Variants in DNAH6 observed in about 807,000 individuals in gnomAD.
DNAH6 encodes axonemal beta dynein heavy chain 6.
DNAH6 carries 340 observed loss-of-function variants against 491.4 expected under a neutral mutation model. That is an observed-to-expected ratio of 0.69 (90% CI 0.63 to 0.76). The LOEUF (loss-of-function observed/expected upper bound fraction) is 0.76, where lower values mean the gene tolerates loss of function less well. Ranked by LOEUF, DNAH6 falls within the 30% of genes least tolerant of loss-of-function variation. The pLI, the probability that DNAH6 is intolerant of heterozygous loss-of-function variation, is 0.00. For missense variants in DNAH6, 4,443 were observed against 4,972.2 expected (o/e 0.89, Z 3.20); for synonymous variants, 1,603 against 1,686.1 (o/e 0.95, Z 1.21).
intron 62 of DNAH6, among the ~76,000 whole-genome samples, chr2:84,742,404 C>T (rs1451567894): frequency 1.3e-5 from 2 of 151,992 alleles, no homozygotes; most frequent in East Asian, 3.9e-4. Context: ...TTAAGTTCTT[C>T]TTGACTGAGG....
Position 84,705,704 on chromosome 2 carries a change from TC to T in DNAH6, c.8685del (p.Lys2896ArgfsTer24). 2.6e-6 allele frequency: 4 copies of T among 1,551,354 alleles called. No homozygotes were observed. In the South Asian group the frequency reaches 4.8e-5, roughly 18 times the overall value. On this transcript the variant is annotated frameshift_variant, in exon 52 of 77. Transcript: ENST00000389394. LOFTEE classifies it high-confidence loss of function. The stretch of plus-strand genomic sequence containing the variant: ...GCTATGGATTTGTACTCTCGAGTGG[TC>T]AAGGTCGTCGAACCAAAAAGACAAA... ...VRAMDLYSRV[V>X]KVVEPKRQKL...
chr2:84,747,533 T>G (rs894889530), intron 63 of DNAH6, among the ~76,000 whole-genome samples: 1 of 152,210 alleles, frequency 6.6e-6, no homozygotes, highest in Non-Finnish European at 1.5e-5. Context: ...CCCCATGGCC[T>G]TTTGGGGAGC....
chr2:84,471,369 T>C, the DNAH6 span, among the ~76,000 whole-genome samples: 9 of 152,216 alleles, frequency 5.9e-5, no homozygotes, highest in Non-Finnish European at 1.2e-4. Context: ...TCGCTCTGGT[T>C]TGAATGTTTC....
chr2:84,542,432 T>A (rs1436300331), intron 4 of DNAH6, among the ~76,000 whole-genome samples: 1 of 152,216 alleles, frequency 6.6e-6, no homozygotes, highest in Non-Finnish European at 1.5e-5. Flanking sequence ...CTGGCATTTT[T>A]CCAGACATTT....
chr2:84,744,627 T>C (rs562812131), intron 62 of DNAH6, among the ~76,000 whole-genome samples: 8 of 152,334 alleles, frequency 5.3e-5, no homozygotes, highest in South Asian at 2.1e-4. Flanking sequence ...CTAACAGTTA[T>C]TATTTGACAT....
chr2:84,638,411 G>A (rs2104486620), intron 31 of DNAH6, among the ~76,000 whole-genome samples: 2 of 151,972 alleles, frequency 1.3e-5, no homozygotes, highest in Middle Eastern at 6.8e-3. Context: ...TCTTACACAT[G>A]CATTCATCTG....
intron 70 of DNAH6, among the ~76,000 whole-genome samples, chr2:84,804,205 C>A (rs902869181): frequency 8.3e-4 from 55 of 66,416 alleles, no homozygotes; most frequent in Admixed American, 2.7e-3. Flanking sequence ...GACTCCATCT[C>A]AAAAAAAAAA....
chr2:84,560,351 T>TA lies in DNAH6; in HGVS notation c.1803+2425dup, dbSNP rs771857568. 1.7e-4 allele frequency among the ~76,000 whole-genome samples: 26 copies of TA among 150,510 alleles called. No homozygotes were observed. In the East Asian group the frequency reaches 2.1e-3, roughly 12 times the overall value. ...AGTAAGGCAATAATGGAGGAGCATT[T>TA]AAAAAAAAACTCATGGAAAGAAAAT... On this transcript the variant is annotated intron_variant, in intron 11 of 76. Transcript: ENST00000389394.
intron 63 of DNAH6, among the ~76,000 whole-genome samples, chr2:84,747,540 G>T (rs1383174972): frequency 6.6e-6 from 1 of 152,206 alleles, no homozygotes; most frequent in Non-Finnish European, 1.5e-5. Context: ...GCCTTTTGGG[G>T]AGCTGTCCAT....
chr2:84,704,046 C>T (rs1696195635), intron 50 of DNAH6, 21 bp from the exon 51 acceptor site: 6 of 1,524,586 alleles, frequency 3.9e-6, no homozygotes, highest in Non-Finnish European at 5.3e-6. Context: ...GCCACTTAAG[C>T]AGTCATGTTT....
intron 15 of DNAH6, chr2:84,584,690 G>A (rs1367714638): frequency 6.3e-6 from 1 of 157,710 alleles, no homozygotes; most frequent in Non-Finnish European, 1.4e-5. Context: ...TTATTATTTT[G>A]AAGAGTGTTT....
chr2:84,553,049 T>C lies in DNAH6; in HGVS notation c.1602+15T>C, dbSNP rs767294434. ...AAGACTTTCTGGTGTGTGTTTTTCA[T>C]GTATTATCCACATGCAAGCACCTAT... On this transcript the variant is annotated intron_variant, in intron 10 of 76. Transcript: ENST00000389394. 45 of 1,472,368 alleles carry C rather than the reference T, an allele frequency of 3.1e-5. No individual in the cohort carries two copies. Among genetic ancestry groups the C allele is most frequent in the Non-Finnish European group, 3.9e-5 (42 of 1,069,962 alleles). 91.2% of individuals were successfully genotyped at this position (1,472,368 alleles called of 1,614,324 possible).
At chr2:84,589,102 A>C in intron 16 of DNAH6, 148 bp downstream of exon 16, 1 of 678,186 alleles carries the variant, frequency 1.5e-6, no homozygotes, top group Non-Finnish European at 2.2e-6. Flanking sequence ...CAAATACAAA[A>C]TATGATATGT....
intron 67 of DNAH6, among the ~76,000 whole-genome samples, chr2:84,786,424 CAAAAAAAAAAAA>C (rs34307388): frequency 1.1e-5 from 1 of 88,792 alleles, no homozygotes; most frequent in Non-Finnish European, 2.5e-5. Context: ...GACTCTGTCT[CAAAAAAAAAAAA>C]AAAAAAAAAG....
At chr2:84,473,660 G>A in the DNAH6 span, among the ~76,000 whole-genome samples, 4 of 152,162 alleles carry the variant, frequency 2.6e-5, no homozygotes, top group Non-Finnish European at 1.5e-5. Flanking sequence ...TCCAATTAAT[G>A]TCTCCTAATA....
intron 70 of DNAH6, among the ~76,000 whole-genome samples, chr2:84,798,740 G>C (rs1293268469): frequency 1.3e-5 from 2 of 152,072 alleles, no homozygotes; most frequent in African/African-American, 4.8e-5. Context: ...CAGCCTCCAC[G>C]GCCCTGCCTG....
intron 45 of DNAH6, among the ~76,000 whole-genome samples, chr2:84,692,050 G>A (rs953278078): frequency 6.6e-6 from 1 of 152,222 alleles, no homozygotes; most frequent in African/African-American, 2.4e-5. Context: ...TCTGTGCCTT[G>A]TCCTGGAGGA....
At chr2:84,515,974 G>A (rs1177746706), upstream of DNAH6, among the ~76,000 whole-genome samples, 3 of 152,198 alleles carry the variant, frequency 2.0e-5, no homozygotes, top group East Asian at 1.9e-4. Flanking sequence ...AAGGGAAGAG[G>A]AGGCCACATT....
chr2:84,681,339 T>C lies in DNAH6; in HGVS notation c.6745-18T>C, dbSNP rs1233360416. ...TTAAAATAAATCTAATCCTCTCATA[T>C]TATGTTTCTGGTTCTAGGCCATCTT... is the stretch of plus-strand genomic sequence containing the variant. On this transcript the variant is annotated intron_variant, in intron 41 of 76. Transcript: ENST00000389394. 8.0e-6 allele frequency: 12 copies of C among 1,508,246 alleles called. No homozygotes were observed. The highest frequency in any genetic ancestry group is 1.1e-5 in the Non-Finnish European group (12 of 1,124,666). The allele number at this position is 1,508,246 out of a possible 1,614,324, so 93.4% of individuals were successfully genotyped here.
Sources: gnomAD v4.1 joint callset for allele counts (sites outside exome capture counted in the v4.1 genomes callset) on GRCh38, gnomAD v4.1.1 for gene constraint, MANE v1.5 for transcripts, NCBI Gene and HGNC (gene_info 2026-07-23, HGNC 2026-07-21) for gene names.